Variants in NDST4 observed in about 807,000 individuals in gnomAD.
NDST4 encodes the protein N-deacetylase and N-sulfotransferase 4, also known as N-heparan sulfate sulfotransferase 4.
NDST4 carries 63 observed loss-of-function variants against 100.8 expected under a neutral mutation model. The ratio of observed to expected loss-of-function variants is 0.62; its 90% confidence interval spans 0.51 to 0.77. NDST4 has a LOEUF of 0.77. NDST4 is among the 30% of genes least tolerant of loss of function. The pLI, the probability that NDST4 is intolerant of heterozygous loss-of-function variation, is 0.00. For missense variants in NDST4, 943 were observed against 1,018.4 expected, an observed-to-expected ratio of 0.93 and a Z score of 1.01; for synonymous variants, 377 against 361.8, an observed-to-expected ratio of 1.04 and a Z score of -0.48.
At chr4:115,100,248 T>A (rs966376383) in intron 1 of NDST4, among the ~76,000 whole-genome samples, 3 of 152,066 alleles carry the variant, frequency 2.0e-5, no homozygotes, top group Admixed American at 6.6e-5. Flanking sequence ...TAATACATAA[T>A]TAAAAAGTAA....
intron 2 of NDST4, among the ~76,000 whole-genome samples, chr4:114,986,940 T>C (rs1038504276): frequency 1.3e-5 from 2 of 151,012 alleles, no homozygotes; most frequent in Admixed American, 6.6e-5. Context: ...TCAGAGGTCA[T>C]TGTTTGTGTG....
intron 6 of NDST4, among the ~76,000 whole-genome samples, chr4:114,875,600 A>G (rs12645876): frequency 0.24 from 36,743 of 152,132 alleles, 6,137 homozygotes; most frequent in African/African-American, 0.47. Flanking sequence ...AGTGACAAAT[A>G]GAATGGTGGT....
chr4:114,879,504 C>T (rs1443983580), intron 6 of NDST4, among the ~76,000 whole-genome samples: 1 of 152,114 alleles, frequency 6.6e-6, no homozygotes, highest in Non-Finnish European at 1.5e-5. Flanking sequence ...TTCCCTTGCC[C>T]TTCAGGCCAC....
intron 6 of NDST4, among the ~76,000 whole-genome samples, chr4:114,893,942 C>T (rs1431434818): frequency 2.6e-5 from 4 of 152,266 alleles, no homozygotes; most frequent in Middle Eastern, 3.4e-3. Flanking sequence ...GGTCCAGTTT[C>T]AGTTTTCTGC....
intron 2 of NDST4, among the ~76,000 whole-genome samples, chr4:115,013,493 G>A (rs1428984032): frequency 2.6e-5 from 4 of 151,488 alleles, no homozygotes; most frequent in South Asian, 2.1e-4. Flanking sequence ...GGGAAAATGT[G>A]TACTGAAGAA....
intron 6 of NDST4, among the ~76,000 whole-genome samples, chr4:114,877,186 C>A (rs1372063826): frequency 1.3e-5 from 2 of 152,166 alleles, no homozygotes; most frequent in Non-Finnish European, 2.9e-5. Flanking sequence ...CATCAAACTT[C>A]CGTCTATTTT....
At chr4:114,964,087 T>C (rs1459158286) in intron 4 of NDST4, among the ~76,000 whole-genome samples, 3 of 152,190 alleles carry the variant, frequency 2.0e-5, no homozygotes, top group African/African-American at 4.8e-5. Context: ...TGTCTCTTTT[T>C]CTCTTCCTCT....
chr4:114,891,791 C>T (rs756679080), intron 6 of NDST4, among the ~76,000 whole-genome samples: 1 of 152,222 alleles, frequency 6.6e-6, no homozygotes, highest in East Asian at 1.9e-4. Flanking sequence ...TGCTTCAAAA[C>T]TATTTGAGGC....
chr4:115,030,966 T>C (rs897859183), intron 2 of NDST4, among the ~76,000 whole-genome samples: 2 of 152,122 alleles, frequency 1.3e-5, no homozygotes, highest in African/African-American at 4.8e-5. Flanking sequence ...ATATAACTAG[T>C]TGAATTCATT....
chr4:114,867,646 T>TAAAAA (rs761173470), intron 7 of NDST4, among the ~76,000 whole-genome samples: 1 of 26,774 alleles, frequency 3.7e-5, no homozygotes, highest in Non-Finnish European at 1.0e-4. Context: ...ATGAGAATTA[T>TAAAAA]AAAAAAAAAA....
intron 6 of NDST4, among the ~76,000 whole-genome samples, chr4:114,899,667 G>A (rs1418556419): frequency 6.6e-6 from 1 of 152,080 alleles, no homozygotes; most frequent in African/African-American, 2.4e-5. Flanking sequence ...TGATGAGCCA[G>A]CATTGCATAC....
intron 2 of NDST4, among the ~76,000 whole-genome samples, chr4:115,021,230 TATATATATTCCACATATATATATTCCAC>T (rs1727807457): frequency 7.6e-6 from 1 of 130,900 alleles, no homozygotes; most frequent in African/African-American, 4.5e-5. Context: ...ATATTCCACA[TATATATATTCCACATATATATATTCCAC>T]ATATATATAT....
intron 6 of NDST4, among the ~76,000 whole-genome samples, chr4:114,888,525 T>C (rs1724526876): frequency 6.6e-6 from 1 of 152,204 alleles, no homozygotes; most frequent in Non-Finnish European, 1.5e-5. Context: ...ATAATGCTCA[T>C]TTAACGAATG....
chr4:115,011,994 A>ATG (rs1430953189), intron 2 of NDST4, among the ~76,000 whole-genome samples: 5 of 151,818 alleles, frequency 3.3e-5, no homozygotes, highest in East Asian at 1.9e-4. Context: ...AAAAATGTGT[A>ATG]TGTGTGTGTG....
chr4:114,860,342 C>G (rs566644596), intron 7 of NDST4, among the ~76,000 whole-genome samples: 1 of 152,228 alleles, frequency 6.6e-6, no homozygotes, highest in East Asian at 1.9e-4. Context: ...ACTATCTATT[C>G]TTCACTTCTT....
Position 115,076,117 on chromosome 4 carries a change from T to G in NDST4, c.920A>C (p.Asp307Ala), listed in dbSNP as rs761964037. 2 of 1,613,780 alleles carry G rather than the reference T, an allele frequency of 1.2e-6. No homozygotes were observed. The highest frequency in any genetic ancestry group is 1.1e-5 in the South Asian group (1 of 91,046). Residue 307 changes from aspartate (D) to alanine (A), a missense_variant, in exon 2 of 14, where the codon GAC becomes GCC. Transcript: ENST00000264363. ...TLSLDRYILV[D>A]IDDIFVGKEG... ...TTTCCCAACAAATATATCATCAATG[T>G]CCACAAGGATGTACCTGTCCAAGGA...
At chr4:114,948,876 C>CA in intron 4 of NDST4, among the ~76,000 whole-genome samples, 1 of 152,058 alleles carries the variant, frequency 6.6e-6, no homozygotes, top group East Asian at 1.9e-4. Context: ...AATAATTTTT[C>CA]AAACTCAAAA....
intron 8 of NDST4, among the ~76,000 whole-genome samples, chr4:114,850,478 C>T (rs1219260955): frequency 1.3e-5 from 2 of 152,076 alleles, no homozygotes; most frequent in Non-Finnish European, 2.9e-5. Context: ...GGGCCCATTA[C>T]CTCAAAATGC....
At chr4:114,904,280 C>T (rs1724905507) in intron 6 of NDST4, among the ~76,000 whole-genome samples, 1 of 151,830 alleles carries the variant, frequency 6.6e-6, no homozygotes, top group East Asian at 1.9e-4. Context: ...TTTCCTTTCA[C>T]AACTAACAGA....
Sources: allele counts gnomAD v4.1 joint callset (sites outside exome capture counted in the v4.1 genomes callset), GRCh38; gene constraint gnomAD v4.1.1; transcripts MANE v1.5; gene names NCBI Gene and HGNC (gene_info 2026-07-23, HGNC 2026-07-21).